The following MFSD12 variants were observed in gnomAD, a reference collection of about 807,000 sequenced individuals.
The protein encoded by MFSD12 is major facilitator superfamily domain containing 12.
MFSD12 carries 67 observed loss-of-function variants against 51.2 expected under a neutral mutation model. The observed-to-expected ratio is 1.31, with a 90% confidence interval of 1.08 to 1.60. The LOEUF is 1.60. MFSD12 is among the 40% of genes most tolerant of loss of function. The pLI is 0.00. For missense variants in MFSD12, 921 were observed against 673.0 expected (o/e 1.37, Z -4.08); for synonymous variants, 441 against 316.7 (o/e 1.39, Z -4.17).
downstream of MFSD12, chr19:3,542,936 G>A: frequency 1.4e-6 from 2 of 1,476,926 alleles, no homozygotes; most frequent in Non-Finnish European, 1.8e-6. Context: ...GAGTAGCCAG[G>A]GCCCTTGTCC....
At chr19:3,541,690 G>A (rs920663941), downstream of MFSD12, 55 of 985,268 alleles carry the variant, frequency 5.6e-5, no homozygotes, top group South Asian at 8.0e-4. Flanking sequence ...GTGTAATAAC[G>A]GGGGTGAGTG....
chr19:3,544,048 C>A (rs762661736), downstream of MFSD12: 14 of 1,498,114 alleles, frequency 9.3e-6, no homozygotes, highest in South Asian at 2.6e-5. Flanking sequence ...TCTCTGCACC[C>A]AGATGAGGGG....
intron 9 of MFSD12, 23 bp from the exon 10 acceptor site, chr19:3,544,755 G>C: frequency 6.7e-7 from 1 of 1,497,846 alleles, no homozygotes; most frequent in South Asian, 1.1e-5. Context: ...GGTGGAAATG[G>C]CATTAGAGAG....
chr19:3,547,445 A>G lies in MFSD12; in HGVS notation c.930+10T>C, dbSNP rs1023734087. On this transcript the variant is annotated intron_variant, in intron 5 of 9. Transcript: ENST00000355415. ...GTCCCATCCCAGCGTCCCCGCCCCAATCTGCTCACCTTGGGCAGGTGGAGC... is the reference window on the plus strand; with the variant it reads ...GTCCCATCCCAGCGTCCCCGCCCCAGTCTGCTCACCTTGGGCAGGTGGAGC... 8 of 1,612,660 alleles carry G rather than the reference A, an allele frequency of 5.0e-6. No individual in the cohort carries two copies. In the East Asian group the frequency reaches 8.9e-5, roughly 18 times the overall value.
In MFSD12 at chr19:3,544,516, C is replaced by G; in HGVS notation, c.*194G>C. 2 of 1,405,064 alleles carry G rather than the reference C, an allele frequency of 1.4e-6. No homozygotes were observed. Among genetic ancestry groups the G allele is most frequent in the African/African-American group, 1.4e-5 (1 of 69,318 alleles). The allele number at this position is 1,405,064 out of a possible 1,614,324, so 87.0% of individuals were successfully genotyped here. The stretch of plus-strand genomic sequence containing the variant: ...TTGAGAATGGGACACCCTCAAAACC[C>G]AGGGGGTCCTTGCAAGTCCCTGGCG... On this transcript the variant is annotated 3_prime_UTR_variant, in exon 10 of 10. Coordinates refer to ENST00000355415, the MANE Select transcript of MFSD12 (RefSeq NM_174983.5).
rs771204595 is a variant in MFSD12 at position 3,557,369 on chromosome 19, G to C, written c.35C>G (p.Pro12Arg). ...GPGPPAAGAA[P>R]SPRPLSLVAR... Reference sequence around the variant, plus strand: ...CACCAGGGACAGCGGCCGCGGGGACGGCGCCGCTCCGGCCGCTGGGGGTCC... The same window carrying C: ...CACCAGGGACAGCGGCCGCGGGGACCGCGCCGCTCCGGCCGCTGGGGGTCC... Residue 12 changes from proline (P) to arginine (R), a missense_variant, in exon 1 of 10, where the codon CCG becomes CGG. Physicochemically the swap from Pro to Arg is moderately radical, Grantham distance 103. Coordinates refer to ENST00000355415, the MANE Select transcript of MFSD12 (RefSeq NM_174983.5). 2.7e-6 allele frequency: 4 copies of C among 1,480,860 alleles called. No homozygotes were observed. The highest frequency in any genetic ancestry group is 2.9e-5 in the East Asian group (1 of 34,286). 91.7% of individuals were successfully genotyped at this position (1,480,860 alleles called of 1,614,324 possible).
chr19:3,541,818 G>A (rs1648110310), downstream of MFSD12: 1 of 983,134 alleles, frequency 1.0e-6, no homozygotes, highest in Admixed American at 6.2e-5. Flanking sequence ...GTGCTGTTTT[G>A]TTTGTGTTGA....
In MFSD12 at chr19:3,557,554, C is replaced by G. The variant is rs1213614309; in HGVS notation, c.-151G>C. The G allele has an allele frequency of 3.3e-6, 1 of 302,174 alleles. No homozygotes were observed. Among genetic ancestry groups the G allele is most frequent in the African/African-American group, 2.2e-5 (1 of 44,992 alleles). The allele number at this position is 302,174 out of a possible 1,614,324, so 18.7% of individuals were successfully genotyped here. A position where few individuals can be genotyped will look rare whatever the true frequency, so the allele number is the denominator to read the frequency against. On this transcript the variant is annotated 5_prime_UTR_variant, in exon 1 of 10. Coordinates refer to ENST00000355415, the MANE Select transcript of MFSD12 (RefSeq NM_174983.5). ...TCTCTTACGGCCGCGCCCTCACCCA[C>G]GTCCGCCGCGTCCGCCCCACGCTCG... is the stretch of plus-strand genomic sequence containing the variant.
chr19:3,542,985 C>T (rs12608592), downstream of MFSD12: 37,160 of 1,578,590 alleles, frequency 0.024, 3,190 homozygotes, highest in East Asian at 0.3. Flanking sequence ...AAGCTGAGAA[C>T]AGAAAGGTTT....
rs145238796 is a variant in MFSD12, at chr19:3,544,685, C to T, written c.*25G>A. On this transcript the variant is annotated 3_prime_UTR_variant, in exon 10 of 10. Coordinates refer to ENST00000355415, the MANE Select transcript of MFSD12 (RefSeq NM_174983.5). ...CTCGTGCGTCCCCACAGTTCCCTTGCACAGGTGCAGGAGGCTGTCAGGAGT... is the reference window on the plus strand; with the variant it reads ...CTCGTGCGTCCCCACAGTTCCCTTGTACAGGTGCAGGAGGCTGTCAGGAGT... 3,010 of 1,585,284 alleles carry T rather than the reference C, an allele frequency of 1.9e-3. 11 individuals carry two copies. The highest frequency in any genetic ancestry group is 3.2e-3 in the Middle Eastern group (19 of 5,848).
downstream of MFSD12, chr19:3,541,631 T>C (rs2030425956): frequency 2.0e-6 from 2 of 984,916 alleles, no homozygotes; most frequent in Admixed American, 6.2e-5. Flanking sequence ...CAAGACCCTA[T>C]TTCTATTTTT....
At position 3,551,077 on chromosome 19, in the gene MFSD12, T is replaced by A. The variant is rs201324028; in HGVS notation, c.416A>T (p.Gln139Leu). The A allele has an allele frequency of 6.8e-6, 11 of 1,612,964 alleles. No individual in the cohort carries two copies. The Admixed American group carries it at 1.8e-4, about 27-fold the overall frequency. ...GATCTGTGTGGAGGCCCAGCCAAAC[T>A]GGAAGATCACGATGAACGGGCCGTA... Reference protein sequence around the residue: ...LYYGPFIVIFQFGWASTQISH... With the variant: ...LYYGPFIVIFLFGWASTQISH... The change falls in exon 2 of 10, where the codon CAG becomes CTG. Residue 139 changes from glutamine (Q) to leucine (L), a missense_variant. Gln to Leu is a moderately radical substitution (Grantham distance 113). Transcript: ENST00000355415. This position sits in a 1 kb window ranked among gnomAD's most constrained non-coding sequence, Gnocchi z 4.6.
chr19:3,551,333 G>C lies in MFSD12; in HGVS notation c.299-139C>G. ...CGCATGCACACAGTCACGCAGGAGC[G>C]AGGGTCTGCAGTCGGGGTCCCCCAG... On this transcript the variant is annotated intron_variant, in intron 1 of 9. Coordinates refer to ENST00000355415, the MANE Select transcript of MFSD12 (RefSeq NM_174983.5). The surrounding 1 kb of genome is among the most constrained non-coding windows in gnomAD (Gnocchi z 4.6). 2 of 680,646 alleles carry C rather than the reference G, an allele frequency of 2.9e-6. No individual in the cohort carries two copies. Among genetic ancestry groups the C allele is most frequent in the Non-Finnish European group, 4.8e-6 (2 of 416,184 alleles). The allele number at this position is 680,646 out of a possible 1,614,324, so 42.2% of individuals were successfully genotyped here. A position where few individuals can be genotyped will look rare whatever the true frequency, so the allele number is the denominator to read the frequency against.
chr19:3,547,423 C>T, intron 5 of MFSD12, 32 bp downstream of exon 5: 1 of 1,611,554 alleles, frequency 6.2e-7, no homozygotes, highest in African/African-American at 1.3e-5. Context: ...TGGGGCCGTC[C>T]CATCCCAGCG....
intron 4 of MFSD12, chr19:3,539,028 C>G (rs910953083): frequency 1.4e-5 from 9 of 636,802 alleles, no homozygotes; most frequent in Non-Finnish European, 2.6e-5. Context: ...ATACTCAGAA[C>G]GACTCTCCAG....
chr19:3,544,332 G>C lies in MFSD12; in HGVS notation c.*378C>G, dbSNP rs1326386550. On this transcript the variant is annotated 3_prime_UTR_variant, in exon 10 of 10. Transcript: ENST00000355415. ...CCTCCAGGCTCCAGCCGTCCTGAGG[G>C]GGCCCTGGCAGTGTCTGGAGACCCC... 7.9e-7 allele frequency: 1 copy of C among 1,272,504 alleles called. No homozygotes were observed. The highest frequency in any genetic ancestry group is 3.1e-5 in the East Asian group (1 of 31,970). The allele number at this position is 1,272,504 out of a possible 1,614,324, so 78.8% of individuals were successfully genotyped here.
At chr19:3,546,838 CT>C (rs373687775) in intron 6 of MFSD12, among the ~76,000 whole-genome samples, 4 of 151,148 alleles carry the variant, frequency 2.6e-5, no homozygotes, top group Non-Finnish European at 4.4e-5. Context: ...AGATCTGGGG[CT>C]TTTTTTTTCT....
In MFSD12 at chr19:3,546,246, C is replaced by T. The variant is rs1340342378; in HGVS notation, c.1194+9G>A. 6 of 1,607,558 alleles carry T rather than the reference C, an allele frequency of 3.7e-6. No individual in the cohort carries two copies. The highest frequency in any genetic ancestry group is 5.1e-6 in the Non-Finnish European group (6 of 1,176,406). On this transcript the variant is annotated intron_variant, in intron 7 of 9. Transcript: ENST00000355415. The stretch of plus-strand genomic sequence containing the variant: ...GCCTCCCCCACCCCAGCCTGGCTAC[C>T]AGCCCTACCGTGTGGGGACCGATGA...
downstream of MFSD12, among the ~76,000 whole-genome samples, chr19:3,540,693 A>T (rs2030315764): frequency 6.7e-6 from 1 of 149,424 alleles, no homozygotes; most frequent in Non-Finnish European, 1.5e-5. Flanking sequence ...CAGCCTGACC[A>T]ACATGGTGAA....
Sources: gnomAD v4.1 joint callset for allele counts (sites outside exome capture counted in the v4.1 genomes callset) on GRCh38, gnomAD v4.1.1 for gene constraint, Gnocchi (gnomAD v3.1) non-coding constraint, MANE v1.5 for transcripts, NCBI Gene and HGNC (gene_info 2026-07-23, HGNC 2026-07-21) for gene names.